UBE2E1: variants seen among roughly 807,000 people sequenced by gnomAD.
UBE2E1 encodes the protein ubiquitin conjugating enzyme E2 E1, also known as ubiquitin-conjugating enzyme E2 E1.
In UBE2E1, 6 loss-of-function variants were observed where a neutral mutation model predicts 21.4. The observed-to-expected ratio is 0.28, with a 90% CI of 0.15 to 0.55. UBE2E1 has a LOEUF of 0.55. UBE2E1 is among the 20% of genes least tolerant of loss of function. The pLI is 0.93. For synonymous variants in UBE2E1, 87 were observed against 82.7 expected (o/e 1.05, Z -0.28); for missense variants, 142 against 236.5 (o/e 0.60, Z 2.62).
chr3:23,889,888 C>T (rs1458411450), intron 5 of UBE2E1: 2 of 172,358 alleles, frequency 1.2e-5, no homozygotes, highest in Admixed American at 2.0e-4. Flanking sequence ...AAGCGAGACC[C>T]TGTCTCAAAA....
chr3:23,889,519 T>C (rs1463738428), intron 5 of UBE2E1: 2 of 1,385,554 alleles, frequency 1.4e-6, no homozygotes, highest in African/African-American at 3.2e-5. Flanking sequence ...GTTTCAATTA[T>C]TCTTCCTCCT....
intron 3 of UBE2E1, among the ~76,000 whole-genome samples, chr3:23,843,041 TATA>T (rs1700128033): frequency 1.3e-5 from 2 of 151,514 alleles, no homozygotes; most frequent in African/African-American, 4.8e-5. Context: ...AAATATATAT[TATA>T]GTAGTATATA....
At chr3:23,811,046 AAAGG>A (rs890705127) in intron 2 of UBE2E1, 1 of 191,688 alleles carries the variant, frequency 5.2e-6, no homozygotes, top group African/African-American at 2.3e-5. Flanking sequence ...CTGAGGGGTG[AAAGG>A]GGCAAGGGAG....
intron 3 of UBE2E1, among the ~76,000 whole-genome samples, chr3:23,839,368 G>A (rs1394980394): frequency 6.6e-6 from 1 of 151,990 alleles, no homozygotes; most frequent in Non-Finnish European, 1.5e-5. Context: ...GGAGGCTGAG[G>A]TAGGAGAATC....
At chr3:23,819,120 TA>T (rs1180266121) in intron 3 of UBE2E1, among the ~76,000 whole-genome samples, 6 of 151,776 alleles carry the variant, frequency 4.0e-5, no homozygotes, top group Admixed American at 3.9e-4. Flanking sequence ...CCATCTCTAT[TA>T]AAAATCCAAA....
At chr3:23,886,498 A>C (rs1240881298) in intron 3 of UBE2E1, among the ~76,000 whole-genome samples, 5 of 152,026 alleles carry the variant, frequency 3.3e-5, no homozygotes, top group Non-Finnish European at 5.9e-5. Flanking sequence ...TTTCTTCCCC[A>C]ACTTGTATTC....
At chr3:23,872,256 A>C (rs1700814791) in intron 3 of UBE2E1, among the ~76,000 whole-genome samples, 1 of 151,638 alleles carries the variant, frequency 6.6e-6, no homozygotes. Context: ...GCCTGCAATC[A>C]CAGGCACTCG....
intron 3 of UBE2E1, among the ~76,000 whole-genome samples, chr3:23,841,636 C>G (rs1405359211): frequency 3.3e-5 from 5 of 152,330 alleles, no homozygotes; most frequent in Admixed American, 1.3e-4. Flanking sequence ...GCATTCATCT[C>G]TCATACTTTT....
At chr3:23,888,557 A>G (rs1701253518) in intron 4 of UBE2E1, among the ~76,000 whole-genome samples, 1 of 152,148 alleles carries the variant, frequency 6.6e-6, no homozygotes, top group Admixed American at 6.5e-5. Context: ...TGGACACTCG[A>G]TTATATAATA....
rs1408545631 is a variant in UBE2E1, at chr3:23,870,617, AT to A, written c.204-16947del. Reference sequence around the variant, plus strand: ...CTCAGGAGTTCAAGTGGCTTCTCTTATTTCCAAAACTATAAAACTGTTCACT... The same window carrying A: ...CTCAGGAGTTCAAGTGGCTTCTCTTATTCCAAAACTATAAAACTGTTCACT... On this transcript the variant is annotated intron_variant, in intron 3 of 5. Transcript: ENST00000306627. This position sits in a 1 kb window ranked among gnomAD's most constrained non-coding sequence, Gnocchi z 4.2. 6.6e-6 allele frequency among the ~76,000 whole-genome samples: 1 copy of A among 152,176 alleles called. No individual in the cohort carries two copies. Among genetic ancestry groups the A allele is most frequent in the Non-Finnish European group, 1.5e-5 (1 of 68,028 alleles).
chr3:23,825,179 G>T lies in UBE2E1; in HGVS notation c.203+13669G>T, dbSNP rs116279367. ...TAGTTTTGCAAGTGTATTCAGGCCT[G>T]CATGGTTGTCAGTGACTCAGGTGGG... is the stretch of plus-strand genomic sequence containing the variant. On this transcript the variant is annotated intron_variant, in intron 3 of 5. Transcript: ENST00000306627. Among the ~76,000 whole-genome samples the T allele has an allele frequency of 3.4e-3, 517 of 152,294 alleles. 2 individuals carry two copies. Among genetic ancestry groups the T allele is most frequent in the African/African-American group, 0.012 (484 of 41,554 alleles).
intron 3 of UBE2E1, among the ~76,000 whole-genome samples, chr3:23,824,588 A>G (rs1193410523): frequency 6.6e-6 from 1 of 152,068 alleles, no homozygotes; most frequent in Non-Finnish European, 1.5e-5. Context: ...CTCCTCTGAT[A>G]CTCTTCAAGC....
intron 3 of UBE2E1, among the ~76,000 whole-genome samples, chr3:23,813,789 C>T (rs1699452578): frequency 6.6e-6 from 1 of 152,182 alleles, no homozygotes; most frequent in Non-Finnish European, 1.5e-5. Flanking sequence ...GATCTGCCCG[C>T]CTTGGCCTCC....
At chr3:23,865,633 G>A (rs536871888) in intron 3 of UBE2E1, among the ~76,000 whole-genome samples, 3 of 152,316 alleles carry the variant, frequency 2.0e-5, no homozygotes, top group South Asian at 4.1e-4. Context: ...GCTCACACCT[G>A]TGAGCACTTG....
chr3:23,866,625 G>C (rs1700663851), intron 3 of UBE2E1: 1 of 151,876 alleles, frequency 6.6e-6, no homozygotes, highest in African/African-American at 2.4e-5. Flanking sequence ...AATGTCTTTG[G>C]TTTTCATTAA....
chr3:23,825,991 A>C (rs1575810919), intron 3 of UBE2E1, among the ~76,000 whole-genome samples: 1 of 152,148 alleles, frequency 6.6e-6, no homozygotes, highest in Non-Finnish European at 1.5e-5. Context: ...GGTGTGTACT[A>C]TGATTGCACC....
Position 23,806,466 on chromosome 3 carries a change from G to A in UBE2E1, c.-34+378G>A, listed in dbSNP as rs925462527. 4.6e-5 allele frequency among the ~76,000 whole-genome samples: 7 copies of A among 151,798 alleles called. No homozygotes were observed. The highest frequency in any genetic ancestry group is 1.7e-4 in the African/African-American group (7 of 41,380). The stretch of plus-strand genomic sequence containing the variant: ...GGGGTTCGCGGGGATTAACCCCTCC[G>A]GGGCGGAAGGGCTCATTGTTATGTC... On this transcript the variant is annotated intron_variant, in intron 1 of 5. Coordinates refer to ENST00000306627, the MANE Select transcript of UBE2E1 (RefSeq NM_003341.5). The surrounding 1 kb of genome is among the most constrained non-coding windows in gnomAD (Gnocchi z 6.5).
Position 23,870,874 on chromosome 3 carries a change from T to C in UBE2E1, c.204-16693T>C, listed in dbSNP as rs1193883414. On this transcript the variant is annotated intron_variant, in intron 3 of 5. Transcript: ENST00000306627. This position sits in a 1 kb window ranked among gnomAD's most constrained non-coding sequence, Gnocchi z 4.2. Reference sequence around the variant, plus strand: ...GGTACTTGAGATTAGGGAGTGGTGATGATTCTTAACGAGCATGCTGCCTTC... The same window carrying C: ...GGTACTTGAGATTAGGGAGTGGTGACGATTCTTAACGAGCATGCTGCCTTC... Among the ~76,000 whole-genome samples the C allele has an allele frequency of 6.6e-6, 1 of 152,048 alleles. No individual in the cohort carries two copies. Among genetic ancestry groups the C allele is most frequent in the Non-Finnish European group, 1.5e-5 (1 of 68,002 alleles).
At position 23,806,365 on chromosome 3, in the gene UBE2E1, G is replaced by GC. The variant is rs1260004443; in HGVS notation, c.-34+283dup. Among the ~76,000 whole-genome samples, 3 of 150,778 alleles carry GC rather than the reference G, an allele frequency of 2.0e-5. No individual in the cohort carries two copies. The highest frequency in any genetic ancestry group is 2.1e-4 in the South Asian group (1 of 4,790). On this transcript the variant is annotated intron_variant, in intron 1 of 5. Coordinates refer to ENST00000306627, the MANE Select transcript of UBE2E1 (RefSeq NM_003341.5). The surrounding 1 kb of genome is among the most constrained non-coding windows in gnomAD (Gnocchi z 6.5). ...TCGAACTGTCAGCGCTGCCCCAAGA[G>GC]CCCCCCACTGGCCACCGAGGGGCCC... is the stretch of plus-strand genomic sequence containing the variant.
Sources: allele counts gnomAD v4.1 joint callset (sites outside exome capture counted in the v4.1 genomes callset), GRCh38; gene constraint gnomAD v4.1.1; non-coding constraint Gnocchi (gnomAD v3.1); transcripts MANE v1.5; gene names NCBI Gene and HGNC (gene_info 2026-07-23, HGNC 2026-07-21).